The following TG variants were observed in gnomAD, a reference collection of about 807,000 sequenced individuals.
TG encodes thyroglobulin.
In TG, 270 loss-of-function variants were observed where a neutral mutation model predicts 324.7. The ratio of observed to expected loss-of-function variants is 0.83; its 90% CI spans 0.75 to 0.92. The LOEUF is 0.92. Among genes scored for constraint, TG ranks in the 40% least tolerant of loss-of-function variants. The probability of loss-of-function intolerance (pLI) is 0.00; values close to 1 mark genes in which losing one functional copy is unlikely to be tolerated. For synonymous variants in TG, 1,401 were observed against 1,327.0 expected, an observed-to-expected ratio of 1.06 and a Z score of -1.21; for missense variants, 3,591 against 3,456.4, an observed-to-expected ratio of 1.04 and a Z score of -0.98.
intron 41 of TG, among the ~76,000 whole-genome samples, chr8:133,043,954 G>A (rs189302583): frequency 8.5e-5 from 13 of 152,292 alleles, no homozygotes; most frequent in Non-Finnish European, 1.6e-4. Context: ...GGTAAAAGTG[G>A]CTGGCATTTA....
chr8:133,060,491 C>T (rs1196307645), intron 41 of TG: 3 of 857,104 alleles, frequency 3.5e-6, no homozygotes, highest in Non-Finnish European at 5.1e-6. Context: ...TAAGCAGCCA[C>T]AGCAGGGTTT....
At chr8:133,051,173 G>A (rs1840343805) in intron 41 of TG, among the ~76,000 whole-genome samples, 1 of 152,210 alleles carries the variant, frequency 6.6e-6, no homozygotes, top group Non-Finnish European at 1.5e-5. Context: ...TGAGAAATGG[G>A]ATCCAAAGGC....
rs147818005 is a variant in TG at position 133,085,717 on chromosome 8, T to G, written c.7240-9327T>G. Among the ~76,000 whole-genome samples the G allele has an allele frequency of 4.5e-3, 692 of 152,340 alleles. 9 individuals are homozygous for G. Among genetic ancestry groups the G allele is most frequent in the African/African-American group, 0.016 (664 of 41,572 alleles). On this transcript the variant is annotated intron_variant, in intron 41 of 47. Coordinates refer to ENST00000220616, the MANE Select transcript of TG (RefSeq NM_003235.5). ...TAATAACAATTTTTAAAAACCAGAT[T>G]GTAAGCATTACTGAAGATATGAAGA...
intron 41 of TG, among the ~76,000 whole-genome samples, chr8:133,054,063 A>G (rs1840912010): frequency 2.0e-5 from 3 of 152,198 alleles, no homozygotes; most frequent in African/African-American, 7.2e-5. Flanking sequence ...TGGTGCCAGG[A>G]TCCCTTCAAA....
intron 29 of TG, among the ~76,000 whole-genome samples, chr8:132,965,814 A>C (rs1268533429): frequency 6.6e-6 from 1 of 152,242 alleles, no homozygotes; most frequent in Admixed American, 6.5e-5. Flanking sequence ...GATGAGCTAG[A>C]GTTAGCAGGG....
intron 41 of TG, among the ~76,000 whole-genome samples, chr8:133,083,196 ATTAT>A (rs1282118229): frequency 6.6e-6 from 1 of 152,232 alleles, no homozygotes; most frequent in African/African-American, 2.4e-5. Context: ...GTCAGTTATC[ATTAT>A]TTATTATTGG....
intron 43 of TG, among the ~76,000 whole-genome samples, chr8:133,097,694 G>A (rs1226043270): frequency 1.3e-5 from 2 of 152,314 alleles, no homozygotes; most frequent in Admixed American, 6.5e-5. Context: ...TTCACAACAT[G>A]CAATTAACAT....
At chr8:132,988,849 C>G (rs767018112) in intron 35 of TG, 316 of 985,394 alleles carry the variant, frequency 3.2e-4, no homozygotes, top group South Asian at 1.4e-3. Context: ...CCCAGGACAA[C>G]GAGCATTCAG....
At chr8:132,961,403 A>T (rs890121425) in intron 28 of TG, among the ~76,000 whole-genome samples, 1 of 152,168 alleles carries the variant, frequency 6.6e-6, no homozygotes, top group Non-Finnish European at 1.5e-5. Flanking sequence ...CATTTGTCCA[A>T]GTGGACTCAG....
At chr8:132,913,620 G>A (rs940284534) in intron 20 of TG, among the ~76,000 whole-genome samples, 1 of 152,118 alleles carries the variant, frequency 6.6e-6, no homozygotes, top group African/African-American at 2.4e-5. Flanking sequence ...ATTTCCAAAT[G>A]GTCATTCATC....
chr8:132,904,888 A>G (rs537500846), intron 16 of TG, among the ~76,000 whole-genome samples: 1 of 152,334 alleles, frequency 6.6e-6, no homozygotes, highest in South Asian at 2.1e-4. Context: ...ACATGCATCT[A>G]GCACACTGGT....
chr8:132,886,103 G>T lies in TG; in HGVS notation c.1076-345G>T, dbSNP rs187660799. Among the ~76,000 whole-genome samples, 63 of 152,272 alleles carry T rather than the reference G, an allele frequency of 4.1e-4. 1 individual carries two copies. Among genetic ancestry groups the T allele is most frequent in the African/African-American group, 1.4e-3 (60 of 41,562 alleles). ...CCCTGTAGACATGAACATCATGTCT[G>T]TGTGTGGTGGGGGACACTATTCACC... On this transcript the variant is annotated intron_variant, in intron 8 of 47. Transcript: ENST00000220616.
intron 10 of TG, among the ~76,000 whole-genome samples, chr8:132,893,275 G>T (rs1816565215): frequency 7.1e-6 from 1 of 140,448 alleles, no homozygotes; most frequent in African/African-American, 2.7e-5. Flanking sequence ...GTGTCTGCGG[G>T]GGTGGTGTGT....
At chr8:132,909,732 G>A (rs918983388) in intron 18 of TG, among the ~76,000 whole-genome samples, 5 of 152,188 alleles carry the variant, frequency 3.3e-5, no homozygotes, top group African/African-American at 1.2e-4. Flanking sequence ...CTGTGAAATG[G>A]GTTTAGGAGA....
At position 132,981,336 on chromosome 8, in the gene TG, A is replaced by G. The variant is rs77307624; in HGVS notation, c.6200-2014A>G. Among the ~76,000 whole-genome samples the G allele has an allele frequency of 1.7e-3, 259 of 152,326 alleles. 2 individuals are homozygous for G. The highest frequency in any genetic ancestry group is 6.1e-3 in the African/African-American group (252 of 41,580). On this transcript the variant is annotated intron_variant, in intron 34 of 47. Coordinates refer to ENST00000220616, the MANE Select transcript of TG (RefSeq NM_003235.5). ...AGTATTGGGAGATGTTTCCTTTGCA[A>G]ACAGAGCTTGCTTTGAATTTCAAAG...
intron 41 of TG, among the ~76,000 whole-genome samples, chr8:133,051,347 C>T (rs1464710607): frequency 6.6e-6 from 1 of 152,152 alleles, no homozygotes; most frequent in African/African-American, 2.4e-5. Flanking sequence ...GCTGTAAAAA[C>T]CCCCCTTCTC....
rs145744799 is a variant in TG at position 132,967,825 on chromosome 8, C to T, written c.5718C>T (p.Leu1906=). The change falls in exon 31 of 48, where the codon CTC becomes CTT. Residue 1906 remains leucine (L), a synonymous_variant. Transcript: ENST00000220616. ...RCVQEHSFCQ[L]AEITESASLY... Reference sequence around the variant, plus strand: ...TGCAGGAGCACTCTTTCTGTCAGCTCGCAGAGATAACAGAGAGTGCATCCT... The same window carrying T: ...TGCAGGAGCACTCTTTCTGTCAGCTTGCAGAGATAACAGAGAGTGCATCCT... The T allele has an allele frequency of 1.0e-4, 167 of 1,613,916 alleles. No homozygotes were observed. The highest frequency in any genetic ancestry group is 1.2e-4 in the Non-Finnish European group (146 of 1,179,882).
rs1839465780 is a variant in TG at position 132,871,373 on chromosome 8, A to G, written c.300A>G (p.Lys100=). The G allele has an allele frequency of 2.5e-5, 41 of 1,614,200 alleles. No individual in the cohort carries two copies. The highest frequency in any genetic ancestry group is 3.4e-5 in the Non-Finnish European group (40 of 1,180,030). The change falls in exon 4 of 48, where the codon AAA becomes AAG. Residue 100 remains lysine (K), a synonymous_variant. Coordinates refer to ENST00000220616, the MANE Select transcript of TG (RefSeq NM_003235.5). Reference sequence around the variant, plus strand: ...GTCTGTCATTTTGTCAGCTACAGAAACAGCAGATCTTACTGAGTGGCTACA... The same window carrying G: ...GTCTGTCATTTTGTCAGCTACAGAAGCAGCAGATCTTACTGAGTGGCTACA... ...VACLSFCQLQ[K]QQILLSGYIN...
At chr8:133,131,734 TTTTG>T (rs960340583) in intron 45 of TG, 74 bp from the exon 46 acceptor site, 10 of 1,587,980 alleles carry the variant, frequency 6.3e-6, no homozygotes, top group African/African-American at 1.4e-5. Flanking sequence ...GAAGAAATAT[TTTTG>T]TTTGTGTGTT....
Sources: gnomAD v4.1 joint callset for allele counts (sites outside exome capture counted in the v4.1 genomes callset) on GRCh38, gnomAD v4.1.1 for gene constraint, MANE v1.5 for transcripts, NCBI Gene and HGNC (gene_info 2026-07-23, HGNC 2026-07-21) for gene names.